The following RP1L1 variants were observed in gnomAD, a reference collection of about 807,000 sequenced individuals.
The protein encoded by RP1L1 is RP1 like 1.
RP1L1 carries 27 observed loss-of-function variants against 15.7 expected under a neutral mutation model. The observed-to-expected ratio is 1.72, with a 90% confidence interval of 1.27 to 2.38. The LOEUF is 2.38. RP1L1 is among the 30% of genes most tolerant of loss of function. RP1L1 has a pLI of 0.00. For missense variants in RP1L1, 4,798 were observed against 3,075.9 expected (o/e 1.56, Z -13.24); for synonymous variants, 1,813 against 1,276.7 (o/e 1.42, Z -8.96).
Position 10,622,649 on chromosome 8 carries a change from C to T in RP1L1, c.553G>A (p.Ala185Thr), listed in dbSNP as rs969519338. The change falls in exon 2 of 4, where the codon GCC (alanine) becomes ACC (threonine). Residue 185 changes from alanine (A) to threonine (T), a missense_variant. Transcript: ENST00000382483. ...TRNLAAFLGK[A>T]SDLLRFPVKQ... ...ACAGGAAAGCGCAGGAGATCTGAGG[C>T]TTTGCCGAGAAAGGCGGCCAGGTTC... 9.3e-6 allele frequency: 15 copies of T among 1,614,086 alleles called. No individual in the cohort carries two copies. The highest frequency in any genetic ancestry group is 1.3e-5 in the Non-Finnish European group (15 of 1,180,040).
Position 10,623,188 on chromosome 8 carries a change from G to A in RP1L1, c.14C>T (p.Pro5Leu), listed in dbSNP as rs779813516. The A allele has an allele frequency of 1.3e-6, 2 of 1,566,344 alleles. No individual in the cohort carries two copies. Among genetic ancestry groups the A allele is most frequent in the East Asian group, 2.2e-5 (1 of 44,518 alleles). Residue 5 changes from proline to leucine, a missense_variant, in exon 2 of 4, where the codon CCC becomes CTC. Pro to Leu is a moderately conservative substitution (Grantham distance 98). Coordinates refer to ENST00000382483, the MANE Select transcript of RP1L1 (RefSeq NM_178857.6). Reference sequence around the variant, plus strand: ...GTGGCTCGGGGCCTGGGCATTCCTGGGGGTGCTGTTCATGGTGTGGGGGCT... The same window carrying A: ...GTGGCTCGGGGCCTGGGCATTCCTGAGGGTGCTGTTCATGGTGTGGGGGCT... MNSTPRNAQAPSHRE... is the reference protein window; with the variant it reads MNSTLRNAQAPSHRE...
chr8:10,630,304 TG>T (rs1017527399), intron 1 of RP1L1, among the ~76,000 whole-genome samples: 1 of 152,224 alleles, frequency 6.6e-6, no homozygotes, highest in African/African-American at 2.4e-5. Flanking sequence ...CAGACTGAGT[TG>T]GCCTCATGTG....
chr8:10,623,036 G>T lies in RP1L1; in HGVS notation c.166C>A (p.Arg56Ser), dbSNP rs150931842. 1.1e-4 allele frequency: 173 copies of T among 1,614,024 alleles called. No homozygotes were observed. The highest frequency in any genetic ancestry group is 1.4e-4 in the Non-Finnish European group (163 of 1,180,032). ...AGGGCGCTGAAGGTCTTAAAGGCGC[G>T]CTGGTGAACGGCCAGGCGGACCCCA... is the stretch of plus-strand genomic sequence containing the variant. ...FAGVRLAVHQ[R>S]AFKTFSALMD... is the part of the protein sequence containing the mutation. Residue 56 changes from arginine (R) to serine (S), a missense_variant, in exon 2 of 4, where the codon CGC becomes AGC. Arg to Ser is a moderately radical substitution (Grantham distance 110). Transcript: ENST00000382483.
intron 1 of RP1L1, among the ~76,000 whole-genome samples, chr8:10,623,656 G>A (rs1482584196): frequency 4.0e-5 from 6 of 149,646 alleles, no homozygotes; most frequent in Non-Finnish European, 8.9e-5. Flanking sequence ...GCATTGCCAT[G>A]TCCCCAGCAA....
rs746045626 is a variant in RP1L1, at chr8:10,616,564, C to T, written c.633G>A (p.Leu211=). 7.4e-6 allele frequency: 12 copies of T among 1,613,330 alleles called. No individual in the cohort carries two copies. Among genetic ancestry groups the T allele is most frequent in the African/African-American group, 1.3e-5 (1 of 74,940 alleles). ...CACACACCAGCACAGAGGGGCTGTG[C>T]AGCAGGGCCTGCAGCGAGTCCACCT... ...GKKVDSLQAL[L]HSPSVLVCAG... The change falls in exon 3 of 4, where the codon CTG becomes CTA. Residue 211 remains leucine (L), a synonymous_variant. Coordinates refer to ENST00000382483, the MANE Select transcript of RP1L1 (RefSeq NM_178857.6).
At chr8:10,647,937 G>A (rs1299080494) in intron 1 of RP1L1, among the ~76,000 whole-genome samples, 1 of 152,116 alleles carries the variant, frequency 6.6e-6, no homozygotes, top group African/African-American at 2.4e-5. Flanking sequence ...CACAGCGGCT[G>A]CACCATTTTA....
chr8:10,616,343 G>A (rs1797964405), intron 3 of RP1L1, 103 bp downstream of exon 3: 2 of 1,466,832 alleles, frequency 1.4e-6, no homozygotes, highest in Non-Finnish European at 9.5e-7. Flanking sequence ...AAGATCTGGG[G>A]CCAAAGGGAA....
chr8:10,608,427 C>G lies in RP1L1; in HGVS notation c.5671G>C (p.Glu1891Gln), dbSNP rs1232693494. ...ACCTCCCATTCTGCCTCTGGGGTCT[C>G]TACATCTTCTGACTCTGGCTGGGCC... Reference protein sequence around the residue: ...GEAQPESEDVETPEAEWEVQP... With the variant: ...GEAQPESEDVQTPEAEWEVQP... Residue 1891 changes from glutamate (E) to glutamine (Q), a missense_variant, in exon 4 of 4, where the codon GAG becomes CAG. By Grantham distance (29) the Glu-to-Gln change is conservative. Transcript: ENST00000382483. 1.9e-6 allele frequency: 3 copies of G among 1,606,400 alleles called. No homozygotes were observed. The South Asian group carries it at 3.3e-5, about 18-fold the overall frequency.
chr8:10,631,339 A>ACACACG lies in RP1L1; in HGVS notation c.-19-8125_-19-8120dup, dbSNP rs1219215389. Among the ~76,000 whole-genome samples, 6 of 61,964 alleles carry ACACACG rather than the reference A, an allele frequency of 9.7e-5. 1 individual carries two copies. The highest frequency in any genetic ancestry group is 1.6e-4 in the African/African-American group (4 of 25,206). 40.7% of individuals were successfully genotyped at this position (61,964 alleles called of 152,430 possible). ...CGCACACACGCACACACACATGCAC[A>ACACACG]CACACGCACACACATGCACACAAAC... On this transcript the variant is annotated intron_variant, in intron 1 of 3. Transcript: ENST00000382483.
chr8:10,608,934 T>A lies in RP1L1; in HGVS notation c.5164A>T (p.Thr1722Ser), dbSNP rs774078260. ...KTHTDPTSTR[T>S]VQGAEGGLGP... ...AGCCCTCCCTCAGCTCCCTGGACAG[T>A]CCTAGTGCTCGTGGGGTCCGTGTGG... The change falls in exon 4 of 4, where the codon ACT becomes TCT. Residue 1722 changes from threonine to serine, a missense_variant. Coordinates refer to ENST00000382483, the MANE Select transcript of RP1L1 (RefSeq NM_178857.6). 6.2e-7 allele frequency: 1 copy of A among 1,613,982 alleles called. No homozygotes were observed. Among genetic ancestry groups the A allele is most frequent in the Non-Finnish European group, 8.5e-7 (1 of 1,179,972 alleles).
At chr8:10,632,793 G>A (rs1195105323) in intron 1 of RP1L1, among the ~76,000 whole-genome samples, 1 of 152,194 alleles carries the variant, frequency 6.6e-6, no homozygotes, top group Non-Finnish European at 1.5e-5. Flanking sequence ...GATATAGGAT[G>A]GACGAGGTCA....
intron 1 of RP1L1, among the ~76,000 whole-genome samples, chr8:10,625,492 G>C (rs528938067): frequency 2.6e-5 from 4 of 151,478 alleles, no homozygotes; most frequent in African/African-American, 9.7e-5. Context: ...TGGGGGTCAA[G>C]TGGGGAGCCC....
intron 1 of RP1L1, among the ~76,000 whole-genome samples, chr8:10,629,537 C>A (rs1173059941): frequency 2.0e-5 from 3 of 152,208 alleles, no homozygotes; most frequent in East Asian, 3.9e-4. Flanking sequence ...ACTTAGCAAA[C>A]AACTTTAAAC....
chr8:10,622,548 G>A lies in RP1L1; in HGVS notation c.609+45C>T, dbSNP rs571180975. 1.4e-4 allele frequency: 230 copies of A among 1,613,338 alleles called. 3 individuals are homozygous for A. The South Asian group carries it at 2.4e-3, about 17-fold the overall frequency. On this transcript the variant is annotated intron_variant, in intron 2 of 3. Coordinates refer to ENST00000382483, the MANE Select transcript of RP1L1 (RefSeq NM_178857.6). ...TTCCATGTGAGTATTTTGACCTCAGGTCTAAAGAACCTTTTCAAGGAACCG... is the reference window on the plus strand; with the variant it reads ...TTCCATGTGAGTATTTTGACCTCAGATCTAAAGAACCTTTTCAAGGAACCG...
intron 1 of RP1L1, among the ~76,000 whole-genome samples, chr8:10,641,001 G>A (rs1798398671): frequency 6.6e-6 from 1 of 152,160 alleles, no homozygotes. Flanking sequence ...AAACTCTTAA[G>A]TTCAAGCAAT....
intron 1 of RP1L1, among the ~76,000 whole-genome samples, chr8:10,644,285 C>CAA (rs35056017): frequency 1.4e-4 from 19 of 132,720 alleles, no homozygotes; most frequent in South Asian, 4.8e-4. Flanking sequence ...ACCTTCTTCT[C>CAA]AAAAAAAAAA....
At chr8:10,623,463 G>C (rs887029197) in intron 1 of RP1L1, among the ~76,000 whole-genome samples, 4 of 152,044 alleles carry the variant, frequency 2.6e-5, no homozygotes, top group African/African-American at 7.2e-5. Context: ...GCTGTCCCCA[G>C]CATTACCATG....
chr8:10,608,350 C>T lies in RP1L1; in HGVS notation c.5748G>A (p.Gln1916=), dbSNP rs1797753166. 3 of 1,613,284 alleles carry T rather than the reference C, an allele frequency of 1.9e-6. No individual in the cohort carries two copies. The highest frequency in any genetic ancestry group is 2.5e-6 in the Non-Finnish European group (3 of 1,179,932). Residue 1916 remains glutamine, a synonymous_variant, in exon 4 of 4, where the codon CAG becomes CAA. Transcript: ENST00000382483. ...AEAPEAEKEA[Q]PETESVEALE... Reference sequence around the variant, plus strand: ...GGGCCTCTACACTTTCTGTCTCTGGCTGGGCCTCCTTTTCTGCCTCCGGGG... The same window carrying T: ...GGGCCTCTACACTTTCTGTCTCTGGTTGGGCCTCCTTTTCTGCCTCCGGGG...
At position 10,609,505 on chromosome 8, in the gene RP1L1, C is replaced by T; in HGVS notation, c.4593G>A (p.Leu1531=). The change falls in exon 4 of 4, where the codon CTG becomes CTA. Residue 1531 remains leucine (L), a synonymous_variant. Coordinates refer to ENST00000382483, the MANE Select transcript of RP1L1 (RefSeq NM_178857.6). The part of the protein sequence containing the change: ...VLLKKTEKAF[L]AHLASAVAEL... ...CAGCCACCGCACTGGCAAGGTGGGCCAGGAAGGCCTTCTCCGTCTTCTTCA... is the reference window on the plus strand; with the variant it reads ...CAGCCACCGCACTGGCAAGGTGGGCTAGGAAGGCCTTCTCCGTCTTCTTCA... 1 of 1,610,102 alleles carries T rather than the reference C, an allele frequency of 6.2e-7. No homozygotes were observed.
Sources: gnomAD v4.1 joint callset for allele counts (sites outside exome capture counted in the v4.1 genomes callset) on GRCh38, gnomAD v4.1.1 for gene constraint, MANE v1.5 for transcripts, NCBI Gene and HGNC (gene_info 2026-07-23, HGNC 2026-07-21) for gene names.